TMEM132B: variants seen among roughly 807,000 people sequenced by gnomAD.
TMEM132B encodes the protein transmembrane protein 132B.
A neutral mutation model predicts 90.8 loss-of-function variants in TMEM132B; 18 were observed. That is an observed-to-expected ratio of 0.20 (90% CI 0.14 to 0.29). The LOEUF (loss-of-function observed/expected upper bound fraction) is 0.29. TMEM132B is among the 10% of genes least tolerant of loss of function. The pLI, the probability that TMEM132B is intolerant of heterozygous loss-of-function variation, is 1.00. For synonymous variants in TMEM132B, 504 were observed against 523.3 expected (o/e 0.96, Z 0.50); for missense variants, 1,096 against 1,326.8 (o/e 0.83, Z 2.70).
intron 3 of TMEM132B, among the ~76,000 whole-genome samples, chr12:125,456,668 C>T (rs1166388462): frequency 6.6e-6 from 1 of 152,144 alleles, no homozygotes; most frequent in Non-Finnish European, 1.5e-5. Context: ...GGCCACTCAC[C>T]AGGCTGCATC....
At chr12:125,192,754 G>A (rs1040818666) in intron 1 of TMEM132B, among the ~76,000 whole-genome samples, 2 of 152,182 alleles carry the variant, frequency 1.3e-5, no homozygotes, top group African/African-American at 2.4e-5. Flanking sequence ...CCTGGAAGGC[G>A]GATGGCTGCA....
chr12:125,534,531 A>C (rs1883745931), intron 4 of TMEM132B, among the ~76,000 whole-genome samples: 1 of 152,182 alleles, frequency 6.6e-6, no homozygotes, highest in Non-Finnish European at 1.5e-5. Context: ...TTTCCACCCC[A>C]CAACCAAAAC....
At chr12:125,243,488 T>C (rs1259435880) in intron 1 of TMEM132B, among the ~76,000 whole-genome samples, 2 of 152,108 alleles carry the variant, frequency 1.3e-5, no homozygotes, top group East Asian at 3.8e-4. Flanking sequence ...GCATTTTTAG[T>C]AGAGATGGGG....
chr12:125,391,578 G>A (rs1879020600), intron 2 of TMEM132B, among the ~76,000 whole-genome samples: 2 of 152,272 alleles, frequency 1.3e-5, no homozygotes, highest in Non-Finnish European at 2.9e-5. Context: ...ACCTGCAGGG[G>A]CCATGGGAGC....
chr12:125,609,384 A>C (rs1242581182), intron 5 of TMEM132B, among the ~76,000 whole-genome samples: 1 of 152,156 alleles, frequency 6.6e-6, no homozygotes, highest in African/African-American at 2.4e-5. Context: ...TTATTTGGCT[A>C]TTCTGGGTCC....
chr12:125,481,372 A>C (rs1882038540), intron 3 of TMEM132B, among the ~76,000 whole-genome samples: 1 of 152,238 alleles, frequency 6.6e-6, no homozygotes. Flanking sequence ...ATCTCAGCCC[A>C]AAATCTCCTT....
intron 2 of TMEM132B, among the ~76,000 whole-genome samples, chr12:125,374,536 G>A (rs1397782564): frequency 6.6e-6 from 1 of 152,042 alleles, no homozygotes; most frequent in East Asian, 1.9e-4. Flanking sequence ...AGTTGAAACG[G>A]TGAGGCTCAC....
chr12:125,654,132 C>T lies in TMEM132B; in HGVS notation c.2674C>T (p.Leu892Phe), dbSNP rs1293635218. Residue 892 changes from leucine (L) to phenylalanine (F), a missense_variant, in exon 9 of 9, where the codon CTC becomes TTC. Coordinates refer to ENST00000682704, the MANE Select transcript of TMEM132B (RefSeq NM_001366854.1). This position sits in a 1 kb window ranked among gnomAD's most constrained non-coding sequence, Gnocchi z 5.8. ...KSPDPNNPSD[L>F]TVTSRGLTDL... is the part of the protein sequence containing the mutation. ...ACCGGACCCCAATAATCCTAGTGAC[C>T]TCACAGTGACCTCAAGGGGGCTAAC... 3.1e-6 allele frequency: 5 copies of T among 1,614,084 alleles called. No individual in the cohort carries two copies. Among genetic ancestry groups the T allele is most frequent in the Non-Finnish European group, 3.4e-6 (4 of 1,180,040 alleles).
chr12:125,405,948 C>T (rs970743540), intron 2 of TMEM132B, among the ~76,000 whole-genome samples: 1 of 152,118 alleles, frequency 6.6e-6, no homozygotes, highest in African/African-American at 2.4e-5. Flanking sequence ...TTGGACAGGA[C>T]AGTTTATTAT....
chr12:125,325,702 T>TGTGG (rs1157786887), intron 1 of TMEM132B, among the ~76,000 whole-genome samples: 1 of 151,650 alleles, frequency 6.6e-6, no homozygotes, highest in Non-Finnish European at 1.5e-5. Flanking sequence ...TGTGTGTGTG[T>TGTGG]GTGTGTGTGT....
rs1014257318 is a variant in TMEM132B, at chr12:125,332,584, T to C, written c.68-16868T>C. ...TGAGAAATTAATTCAGAGAGTTGGCTTTTTTTTTTTTTTTTTTTTTTTTTT... is the reference window on the plus strand; with the variant it reads ...TGAGAAATTAATTCAGAGAGTTGGCCTTTTTTTTTTTTTTTTTTTTTTTTT... On this transcript the variant is annotated intron_variant, in intron 1 of 8. Transcript: ENST00000682704. 2.7e-3 allele frequency among the ~76,000 whole-genome samples: 28 copies of C among 10,346 alleles called. 1 individual carries two copies. In the African/African-American group the frequency reaches 0.043, roughly 16 times the overall value. 6.8% of individuals were successfully genotyped at this position (10,346 alleles called of 152,430 possible).
At chr12:125,398,940 C>T (rs1879235130) in intron 2 of TMEM132B, among the ~76,000 whole-genome samples, 1 of 152,126 alleles carries the variant, frequency 6.6e-6, no homozygotes, top group South Asian at 2.1e-4. Flanking sequence ...CAAGCTGATT[C>T]AGTTGTTGGC....
chr12:125,437,735 G>A (rs1485966205), intron 3 of TMEM132B, among the ~76,000 whole-genome samples: 1 of 152,196 alleles, frequency 6.6e-6, no homozygotes, highest in Non-Finnish European at 1.5e-5. Context: ...GCCACATGGT[G>A]TGTGATTCCA....
chr12:125,621,362 G>A (rs1386993180), intron 5 of TMEM132B, among the ~76,000 whole-genome samples: 1 of 152,106 alleles, frequency 6.6e-6, no homozygotes, highest in Non-Finnish European at 1.5e-5. Context: ...AAAGCAAGGT[G>A]AATGTAAGGA....
At position 125,445,142 on chromosome 12, in the gene TMEM132B, T is replaced by C. The variant is rs1487312655; in HGVS notation, c.1106+29465T>C. ...AAGATACAGTCAATTATTTGCTACA[T>C]TGATTTTCCTCTCCAATGGAAAAAA... On this transcript the variant is annotated intron_variant, in intron 3 of 8. Coordinates refer to ENST00000682704, the MANE Select transcript of TMEM132B (RefSeq NM_001366854.1). This position sits in a 1 kb window ranked among gnomAD's most constrained non-coding sequence, Gnocchi z 4.3. Among the ~76,000 whole-genome samples, 15 of 152,208 alleles carry C rather than the reference T, an allele frequency of 9.9e-5. No individual in the cohort carries two copies. Among genetic ancestry groups the C allele is most frequent in the Admixed American group, 9.2e-4 (14 of 15,280 alleles).
At chr12:125,593,033 G>A (rs537867546) in intron 5 of TMEM132B, among the ~76,000 whole-genome samples, 3 of 152,280 alleles carry the variant, frequency 2.0e-5, no homozygotes, top group South Asian at 2.1e-4. Flanking sequence ...TTCCCCTTTA[G>A]CAACGCTTGA....
intron 5 of TMEM132B, among the ~76,000 whole-genome samples, chr12:125,628,777 T>TA (rs541913589): frequency 4.3e-4 from 66 of 152,318 alleles, no homozygotes; most frequent in African/African-American, 1.5e-3. Flanking sequence ...GTTTCATAGT[T>TA]TGAGGGCTTA....
intron 1 of TMEM132B, among the ~76,000 whole-genome samples, chr12:125,226,575 G>A (rs1160426336): frequency 2.0e-5 from 3 of 152,158 alleles, no homozygotes; most frequent in East Asian, 3.8e-4. Context: ...CAGGGGAATC[G>A]GGAGAGTCCA....
intron 1 of TMEM132B, among the ~76,000 whole-genome samples, chr12:125,286,604 A>G (rs887145258): frequency 2.6e-5 from 4 of 151,480 alleles, no homozygotes; most frequent in African/African-American, 9.8e-5. Flanking sequence ...AAATTATTTT[A>G]TATAATAGTT....
Sources: gnomAD v4.1 joint callset for allele counts (sites outside exome capture counted in the v4.1 genomes callset) on GRCh38, gnomAD v4.1.1 for gene constraint, Gnocchi (gnomAD v3.1) non-coding constraint, MANE v1.5 for transcripts, NCBI Gene and HGNC (gene_info 2026-07-23, HGNC 2026-07-21) for gene names.